Variants in TNFAIP2 observed in about 807,000 individuals in gnomAD.
TNFAIP2 encodes TNF alpha induced protein 2.
Under a neutral mutation model 63.5 loss-of-function variants are expected in TNFAIP2, and 47 were observed. That is an observed-to-expected ratio of 0.74 (90% CI 0.59 to 0.94). TNFAIP2 has a LOEUF of 0.94. TNFAIP2 is among the 40% of genes least tolerant of loss of function. The pLI, the probability that TNFAIP2 is intolerant of heterozygous loss-of-function variation, is 0.00. For synonymous variants in TNFAIP2, 405 were observed against 390.2 expected (o/e 1.04, Z -0.45); for missense variants, 787 against 850.2 (o/e 0.93, Z 0.92).
rs879669501 is a variant in TNFAIP2 at position 103,127,596 on chromosome 14, T to C, written c.827T>C (p.Met276Thr). 1 of 1,546,750 alleles carries C rather than the reference T, an allele frequency of 6.5e-7. No homozygotes were observed. Among genetic ancestry groups the C allele is most frequent in the Admixed American group, 1.9e-5 (1 of 53,192 alleles). The change falls in exon 3 of 12, where the codon ATG becomes ACG. Residue 276 changes from methionine (M) to threonine (T), a missense_variant. This residue lies in a region of TNFAIP2 where 523 missense variants were observed against 604.1 expected (regional missense o/e 0.87). Coordinates refer to ENST00000560869, the MANE Select transcript of TNFAIP2 (RefSeq NM_006291.4). This position sits in a 1 kb window ranked among gnomAD's most constrained non-coding sequence, Gnocchi z 5.1. ...QFELCERDTYMLLLWVQNLYP... is the reference protein window; with the variant it reads ...QFELCERDTYTLLLWVQNLYP... Reference sequence around the variant, plus strand: ...GAGCTGTGCGAGCGCGACACCTACATGCTGCTGCTCTGGGTGCAGAACCTC... The same window carrying C: ...GAGCTGTGCGAGCGCGACACCTACACGCTGCTGCTCTGGGTGCAGAACCTC...
At chr14:103,130,540 G>A (rs887638362) in intron 6 of TNFAIP2, 125 bp downstream of exon 6, 10 of 933,314 alleles carry the variant, frequency 1.1e-5, no homozygotes, top group Non-Finnish European at 1.6e-5. Context: ...GTCATTCTGA[G>A]CCAGGAGTTG....
chr14:103,127,080 TGGCGGC>T lies in TNFAIP2; in HGVS notation c.326_331del (p.Ala109_Ala110del), dbSNP rs8176385. 4.6e-5 allele frequency: 51 copies of T among 1,114,518 alleles called. No homozygotes were observed. The highest frequency in any genetic ancestry group is 7.9e-4 in the Middle Eastern group (2 of 2,524). The allele number at this position is 1,114,518 out of a possible 1,614,324, so 69.0% of individuals were successfully genotyped here. ...CCGCTGCTGGCGCTGGAGCGGGAGC[TGGCGGC>T]GGCGGCGGCGGCGGGCGGTGTGAGC... is the stretch of plus-strand genomic sequence containing the variant. On this transcript the variant is annotated inframe_deletion, in exon 3 of 12. Transcript: ENST00000560869. The surrounding 1 kb of genome is among the most constrained non-coding windows in gnomAD (Gnocchi z 5.1).
At chr14:103,132,089 C>G (rs565832177) in intron 8 of TNFAIP2, among the ~76,000 whole-genome samples, 2 of 152,018 alleles carry the variant, frequency 1.3e-5, no homozygotes, top group South Asian at 2.1e-4. Flanking sequence ...TTTCACTGCC[C>G]CTCCCCGATT....
In TNFAIP2 at chr14:103,127,571, G is replaced by C. The variant is rs2087886812; in HGVS notation, c.802G>C (p.Glu268Gln). 2 of 1,574,560 alleles carry C rather than the reference G, an allele frequency of 1.3e-6. No homozygotes were observed. Among genetic ancestry groups the C allele is most frequent in the Non-Finnish European group, 1.7e-6 (2 of 1,166,666 alleles). The change falls in exon 3 of 12, where the codon GAG becomes CAG. Residue 268 changes from glutamate to glutamine, a missense_variant. Around this residue, in one of 3 missense-constraint regions of TNFAIP2, gnomAD observed 523 missense variants for 604.1 expected, o/e 0.87. Coordinates refer to ENST00000560869, the MANE Select transcript of TNFAIP2 (RefSeq NM_006291.4). This position sits in a 1 kb window ranked among gnomAD's most constrained non-coding sequence, Gnocchi z 5.1. ...CCACCTGGCCGCCGTGGCGCAGTTC[G>C]AGCTGTGCGAGCGCGACACCTACAT... ...AAHLAAVAQF[E>Q]LCERDTYMLL...
chr14:103,128,446 A>G (rs924596512), intron 3 of TNFAIP2, among the ~76,000 whole-genome samples: 1 of 152,174 alleles, frequency 6.6e-6, no homozygotes, highest in Non-Finnish European at 1.5e-5. Flanking sequence ...CACGGTCTGC[A>G]TGGAGAGAGG....
chr14:103,133,591 A>G (rs1300296507), intron 10 of TNFAIP2, 74 bp downstream of exon 10: 5 of 1,580,258 alleles, frequency 3.2e-6, no homozygotes, highest in Middle Eastern at 3.4e-4. Context: ...TCAGGGTCGG[A>G]GATAGGCCGC....
intron 8 of TNFAIP2, among the ~76,000 whole-genome samples, chr14:103,132,302 G>A (rs1165913600): frequency 6.6e-6 from 1 of 152,114 alleles, no homozygotes; most frequent in East Asian, 1.9e-4. Flanking sequence ...TAAAGTGGGG[G>A]GTCTCTCAAA....
rs767419638 is a variant in TNFAIP2, at chr14:103,130,378, C to G, written c.1162C>G (p.Arg388Gly). ...ITLDLGSQIK[R>G]VLLVELPAFL... ...GCTGGACTTGGGCTCACAGATAAAG[C>G]GGGTGCTGCTGGTGGAGCTGCCTGC... The change falls in exon 6 of 12, where the codon CGG becomes GGG. Residue 388 changes from arginine to glycine, a missense_variant. This residue lies in a region of TNFAIP2 where 523 missense variants were observed against 604.1 expected (regional missense o/e 0.87). Coordinates refer to ENST00000560869, the MANE Select transcript of TNFAIP2 (RefSeq NM_006291.4). 6.4e-7 allele frequency: 1 copy of G among 1,569,542 alleles called. No individual in the cohort carries two copies. The highest frequency in any genetic ancestry group is 1.2e-5 in the South Asian group (1 of 85,348).
At chr14:103,124,283 G>T (rs758845857) in intron 1 of TNFAIP2, 7 of 152,490 alleles carry the variant, frequency 4.6e-5, no homozygotes, top group Non-Finnish European at 1.0e-4. Context: ...CGGGGAAACG[G>T]CGGCTTGTGA....
intron 8 of TNFAIP2, among the ~76,000 whole-genome samples, chr14:103,132,386 A>G (rs922328139): frequency 6.6e-6 from 1 of 152,104 alleles, no homozygotes; most frequent in Non-Finnish European, 1.5e-5. Flanking sequence ...TGGAAGCCCG[A>G]GCGGTGACCC....
chr14:103,121,903 G>A (rs1379274978), upstream of TNFAIP2, among the ~76,000 whole-genome samples: 3 of 151,718 alleles, frequency 2.0e-5, no homozygotes, highest in Non-Finnish European at 4.4e-5. Context: ...GTGGGGTGGG[G>A]GAACAGAGTC....
rs2088091199 is a variant in TNFAIP2 at position 103,136,139 on chromosome 14, G to A, written c.*779G>A. The A allele has an allele frequency of 1.2e-6, 1 of 828,472 alleles. No individual in the cohort carries two copies. Among genetic ancestry groups the A allele is most frequent in the Non-Finnish European group, 1.6e-6 (1 of 613,558 alleles). 51.3% of individuals were successfully genotyped at this position (828,472 alleles called of 1,614,324 possible). A position where few individuals can be genotyped will look rare whatever the true frequency, so the allele number is the denominator to read the frequency against. ...CCCAAGGCAGGGACAGGCCCTGGGGGTGCCACCGTGGGCCCTGCCACCCAG... is the reference window on the plus strand; with the variant it reads ...CCCAAGGCAGGGACAGGCCCTGGGGATGCCACCGTGGGCCCTGCCACCCAG... On this transcript the variant is annotated 3_prime_UTR_variant, in exon 12 of 12. Coordinates refer to ENST00000560869, the MANE Select transcript of TNFAIP2 (RefSeq NM_006291.4).
chr14:103,122,377 A>G (rs1891142872), upstream of TNFAIP2, among the ~76,000 whole-genome samples: 1 of 152,144 alleles, frequency 6.6e-6, no homozygotes, highest in Non-Finnish European at 1.5e-5. Context: ...CGGAGTGATC[A>G]GGGGGCGGGG....
At chr14:103,133,938 T>C (rs1164602708) in intron 11 of TNFAIP2, 135 bp downstream of exon 11, 9 of 1,174,364 alleles carry the variant, frequency 7.7e-6, no homozygotes, top group Non-Finnish European at 1.0e-5. Flanking sequence ...GGGCTCATTC[T>C]TGTGGCCTTC....
At position 103,135,789 on chromosome 14, in the gene TNFAIP2, C is replaced by T. The variant is rs1476274448; in HGVS notation, c.*429C>T. On this transcript the variant is annotated 3_prime_UTR_variant, in exon 12 of 12. Coordinates refer to ENST00000560869, the MANE Select transcript of TNFAIP2 (RefSeq NM_006291.4). This position sits in a 1 kb window ranked among gnomAD's most constrained non-coding sequence, Gnocchi z 7.6. ...CTCTCTGGAGACAGGGGCCGAGCCT[C>T]ACCCATCTGCCCTCTGCAGCCCAGG... is the stretch of plus-strand genomic sequence containing the variant. 4 of 1,293,830 alleles carry T rather than the reference C, an allele frequency of 3.1e-6. No homozygotes were observed. The highest frequency in any genetic ancestry group is 4.0e-6 in the Non-Finnish European group (4 of 992,442). 80.1% of individuals were successfully genotyped at this position (1,293,830 alleles called of 1,614,324 possible).
chr14:103,126,312 G>A lies in TNFAIP2; in HGVS notation c.-146G>A. 1.6e-6 allele frequency: 1 copy of A among 629,174 alleles called. No individual in the cohort carries two copies. 39.0% of individuals were successfully genotyped at this position (629,174 alleles called of 1,614,324 possible). On this transcript the variant is annotated splice_region_variant and 5_prime_UTR_variant, in exon 2 of 12. Coordinates refer to ENST00000560869, the MANE Select transcript of TNFAIP2 (RefSeq NM_006291.4). ...ATGCCTTCACCCCCACCCCGCAGGA[G>A]CCTGCAGGCCTGAACCAGGGTGATG... is the stretch of plus-strand genomic sequence containing the variant.
chr14:103,135,078 T>C lies in TNFAIP2; in HGVS notation c.1824-141T>C. 1 of 994,248 alleles carries C rather than the reference T, an allele frequency of 1.0e-6. No homozygotes were observed. Among genetic ancestry groups the C allele is most frequent in the Non-Finnish European group, 1.5e-6 (1 of 653,856 alleles). The allele number at this position is 994,248 out of a possible 1,614,324, so 61.6% of individuals were successfully genotyped here. On this transcript the variant is annotated intron_variant, in intron 11 of 11. Coordinates refer to ENST00000560869, the MANE Select transcript of TNFAIP2 (RefSeq NM_006291.4). The surrounding 1 kb of genome is among the most constrained non-coding windows in gnomAD (Gnocchi z 7.6). ...TCTTGGGACCATCAGGTGGAGGGCA[T>C]GGGTGAGGGAGAGTGAAGTGCAGCC...
intron 8 of TNFAIP2, 65 bp from the exon 9 acceptor site, chr14:103,132,685 G>C (rs772105025): frequency 1.3e-6 from 2 of 1,573,540 alleles, no homozygotes; most frequent in Non-Finnish European, 1.7e-6. Context: ...GCGTGTCTGC[G>C]TGTCTGCGGC....
At chr14:103,130,619 C>A (rs1378059630) in intron 6 of TNFAIP2, among the ~76,000 whole-genome samples, 1 of 152,204 alleles carries the variant, frequency 6.6e-6, no homozygotes, top group African/African-American at 2.4e-5. Flanking sequence ...ACGTGGGAGC[C>A]TCTTGCGCCC....
Sources: gnomAD v4.1 joint callset for allele counts (sites outside exome capture counted in the v4.1 genomes callset) on GRCh38, gnomAD v4.1.1 for gene constraint, gnomAD v4.1.1 regional missense constraint, Gnocchi (gnomAD v3.1) non-coding constraint, MANE v1.5 for transcripts, NCBI Gene and HGNC (gene_info 2026-07-23, HGNC 2026-07-21) for gene names.